SEMA6D: variants seen among roughly 807,000 people sequenced by gnomAD.
The protein encoded by SEMA6D is semaphorin 6D, also known as semaphorin-6D.
In SEMA6D, 35 loss-of-function variants were observed where a neutral mutation model predicts 106.6. That is an observed-to-expected ratio of 0.33 (90% CI 0.25 to 0.44). The LOEUF (loss-of-function observed/expected upper bound fraction) is 0.44. Among genes scored for constraint, SEMA6D ranks in the 20% least tolerant of loss-of-function variants. SEMA6D has a pLI of 1.00. For missense variants in SEMA6D, 1,185 were observed against 1,345.9 expected (o/e 0.88, Z 1.87); for synonymous variants, 499 against 487.7 (o/e 1.02, Z -0.31).
chr15:47,262,393 G>C (rs1050596360), intron 1 of SEMA6D, among the ~76,000 whole-genome samples: 1 of 152,048 alleles, frequency 6.6e-6, no homozygotes, highest in Non-Finnish European at 1.5e-5. Flanking sequence ...GGTTCCATAT[G>C]GCTGGGGAGG....
At chr15:47,444,973 C>T (rs532502560) in intron 2 of SEMA6D, among the ~76,000 whole-genome samples, 2 of 152,206 alleles carry the variant, frequency 1.3e-5, no homozygotes, top group East Asian at 3.9e-4. Context: ...GGAGGCAGCT[C>T]TCAGCTGGAT....
At chr15:47,571,424 G>A (rs114593307) in intron 3 of SEMA6D, among the ~76,000 whole-genome samples, 5 of 152,326 alleles carry the variant, frequency 3.3e-5, no homozygotes, top group African/African-American at 1.2e-4. Context: ...TCTGATTAGA[G>A]CATTCTTGAG....
rs147883280 is a variant in SEMA6D at position 47,705,354 on chromosome 15, T to A, written c.-54-54391T>A. Among the ~76,000 whole-genome samples, 7 of 152,316 alleles carry A rather than the reference T, an allele frequency of 4.6e-5. No homozygotes were observed. In the East Asian group the frequency reaches 9.6e-4, roughly 21 times the overall value. On this transcript the variant is annotated intron_variant, in intron 4 of 19. Coordinates refer to the SEMA6D transcript ENST00000558014. Reference sequence around the variant, plus strand: ...GTTTTACTTTATAAAACTTACACGATGTTTTTACCAACATCATTTACTTTA... The same window carrying A: ...GTTTTACTTTATAAAACTTACACGAAGTTTTTACCAACATCATTTACTTTA...
intron 1 of SEMA6D, among the ~76,000 whole-genome samples, chr15:47,337,869 A>G (rs975510021): frequency 2.6e-5 from 4 of 152,198 alleles, no homozygotes; most frequent in African/African-American, 9.6e-5. Flanking sequence ...GAGTATAATG[A>G]TATAATGACT....
At chr15:47,646,648 A>G (rs1008168876) in intron 4 of SEMA6D, among the ~76,000 whole-genome samples, 1 of 152,190 alleles carries the variant, frequency 6.6e-6, no homozygotes, top group Non-Finnish European at 1.5e-5. Context: ...AGCCATATTC[A>G]TACTTGAGAC....
intron 1 of SEMA6D, among the ~76,000 whole-genome samples, chr15:47,385,436 T>G (rs2039799480): frequency 6.6e-6 from 1 of 152,132 alleles, no homozygotes; most frequent in Non-Finnish European, 1.5e-5. Context: ...ATAACCAAAT[T>G]GCTATGTGAA....
At chr15:47,716,206 A>C (rs1238445250), upstream of SEMA6D, among the ~76,000 whole-genome samples, 3 of 152,168 alleles carry the variant, frequency 2.0e-5, no homozygotes, top group Non-Finnish European at 4.4e-5. Context: ...TCTATATTTT[A>C]AAAGACTCCT....
intron 4 of SEMA6D, among the ~76,000 whole-genome samples, chr15:47,634,491 A>G (rs2077346665): frequency 6.6e-6 from 1 of 152,174 alleles, no homozygotes; most frequent in Non-Finnish European, 1.5e-5. Context: ...AGTGGAAAAG[A>G]AGAAGCTGAG....
chr15:47,481,552 T>A (rs918794558), intron 3 of SEMA6D, among the ~76,000 whole-genome samples: 5 of 152,156 alleles, frequency 3.3e-5, no homozygotes, highest in African/African-American at 1.2e-4. Context: ...GATACAAGAC[T>A]GTTTTAGGTC....
intron 2 of SEMA6D, among the ~76,000 whole-genome samples, chr15:47,462,876 CTTT>C (rs1027423276): frequency 1.3e-5 from 2 of 152,092 alleles, no homozygotes; most frequent in Non-Finnish European, 2.9e-5. Context: ...AGAACCCAGC[CTTT>C]ATGGCTCTGT....
chr15:47,758,357 T>G (rs1004524795), intron 1 of SEMA6D, among the ~76,000 whole-genome samples: 8 of 152,148 alleles, frequency 5.3e-5, no homozygotes, highest in African/African-American at 1.9e-4. Context: ...TCATGATCTC[T>G]CCTAAAGTTC....
intron 3 of SEMA6D, among the ~76,000 whole-genome samples, chr15:47,484,728 A>C (rs1039515873): frequency 1.3e-5 from 2 of 152,178 alleles, no homozygotes; most frequent in Non-Finnish European, 2.9e-5. Flanking sequence ...ATAACATTCA[A>C]GAAGGAGGCA....
At position 47,380,982 on chromosome 15, in the gene SEMA6D, A is replaced by G. The variant is rs189829790; in HGVS notation, c.-238-31411A>G. On this transcript the variant is annotated intron_variant, in intron 1 of 19. Transcript: ENST00000558014. The stretch of plus-strand genomic sequence containing the variant: ...ATGATAAATAAAATGCTAAAAAGAG[A>G]AAATTAAAACAGCTGCAATTAAAAA... Among the ~76,000 whole-genome samples, 89 of 152,364 alleles carry G rather than the reference A, an allele frequency of 5.8e-4. No individual in the cohort carries two copies. In the East Asian group the frequency reaches 0.015, roughly 26 times the overall value.
chr15:47,464,598 A>G (rs2042606063), intron 2 of SEMA6D, among the ~76,000 whole-genome samples: 1 of 152,128 alleles, frequency 6.6e-6, no homozygotes, highest in Admixed American at 6.6e-5. Flanking sequence ...CAGGCATGGT[A>G]GCTAATTCCC....
chr15:47,749,740 G>A (rs1317298252), intron 1 of SEMA6D, among the ~76,000 whole-genome samples: 1 of 152,212 alleles, frequency 6.6e-6, no homozygotes, highest in East Asian at 1.9e-4. Context: ...GGTGTGTGGT[G>A]GACGTGTGAT....
chr15:47,262,607 A>G (rs1404074400), intron 1 of SEMA6D, among the ~76,000 whole-genome samples: 4 of 152,100 alleles, frequency 2.6e-5, no homozygotes, highest in Admixed American at 6.6e-5. Context: ...CATGGGGATT[A>G]CTACAACTTA....
intron 1 of SEMA6D, among the ~76,000 whole-genome samples, chr15:47,241,566 C>T (rs1201985135): frequency 6.6e-6 from 1 of 151,856 alleles, no homozygotes; most frequent in Non-Finnish European, 1.5e-5. Context: ...CAAATACATT[C>T]TAAGGCCAAG....
chr15:47,298,560 G>A (rs1027894637), intron 1 of SEMA6D, among the ~76,000 whole-genome samples: 4 of 152,150 alleles, frequency 2.6e-5, no homozygotes, highest in Non-Finnish European at 5.9e-5. Context: ...TTTCATAGAA[G>A]TCATTGTGTT....
intron 4 of SEMA6D, among the ~76,000 whole-genome samples, chr15:47,691,191 C>G (rs1365517172): frequency 6.6e-6 from 1 of 152,170 alleles, no homozygotes; most frequent in Non-Finnish European, 1.5e-5. Context: ...TTCCATGTTG[C>G]TCCTCTGTAA....
Sources: allele counts gnomAD v4.1 joint callset (sites outside exome capture counted in the v4.1 genomes callset), GRCh38; gene constraint gnomAD v4.1.1; transcripts MANE v1.5; gene names NCBI Gene and HGNC (gene_info 2026-07-23, HGNC 2026-07-21).